The following PTPRG variants were observed in gnomAD, a reference collection of about 807,000 sequenced individuals.
PTPRG encodes the protein receptor-type tyrosine-protein phosphatase gamma.
A neutral mutation model predicts 165.3 loss-of-function variants in PTPRG; 102 were observed. The observed-to-expected ratio is 0.62, with a 90% CI of 0.53 to 0.73. The LOEUF (loss-of-function observed/expected upper bound fraction) is 0.73. PTPRG is among the 30% of genes least tolerant of loss of function. PTPRG has a pLI of 0.00. For missense variants in PTPRG, 1,866 were observed against 1,861.4 expected (o/e 1.00, Z -0.05); for synonymous variants, 675 against 669.5 (o/e 1.01, Z -0.13).
At chr3:62,111,373 G>A (rs755004320) in intron 5 of PTPRG, among the ~76,000 whole-genome samples, 4 of 152,220 alleles carry the variant, frequency 2.6e-5, no homozygotes, top group Admixed American at 6.5e-5. Context: ...GTCTAGCACA[G>A]CTTCCTCTTA....
intron 6 of PTPRG, among the ~76,000 whole-genome samples, 193 bp downstream of exon 6, chr3:62,132,861 AC>A (rs1703568511): frequency 6.6e-6 from 1 of 152,206 alleles, no homozygotes; most frequent in East Asian, 1.9e-4. Flanking sequence ...GTCTGTGTTA[AC>A]AGTAAGCAGT....
chr3:61,907,940 C>T (rs964787462), intron 2 of PTPRG, among the ~76,000 whole-genome samples: 25 of 128,018 alleles, frequency 2.0e-4, no homozygotes, highest in African/African-American at 7.4e-4. Context: ...AGCAACATAG[C>T]GAGACCCCCG....
chr3:61,597,036 G>T (rs537734356), intron 1 of PTPRG, among the ~76,000 whole-genome samples: 3 of 152,050 alleles, frequency 2.0e-5, no homozygotes, highest in Non-Finnish European at 4.4e-5. Flanking sequence ...GGGTCTTCTC[G>T]CTGTGTCATC....
At chr3:61,973,058 C>A (rs950362940) in intron 2 of PTPRG, among the ~76,000 whole-genome samples, 22 of 152,080 alleles carry the variant, frequency 1.4e-4, no homozygotes, top group African/African-American at 5.3e-4. Context: ...GCTGTCCTGC[C>A]GAGACACTTG....
At chr3:62,193,840 T>C (rs751466283) in intron 9 of PTPRG, among the ~76,000 whole-genome samples, 25 of 152,242 alleles carry the variant, frequency 1.6e-4, no homozygotes, top group Non-Finnish European at 3.2e-4. Context: ...GCTGCTTCTA[T>C]ACTTGGCCCA....
At chr3:61,623,805 G>T (rs948711690) in intron 1 of PTPRG, among the ~76,000 whole-genome samples, 1 of 152,126 alleles carries the variant, frequency 6.6e-6, no homozygotes, top group East Asian at 1.9e-4. Context: ...CCTGTGAAAG[G>T]CTTCACCTGT....
intron 12 of PTPRG, among the ~76,000 whole-genome samples, chr3:62,215,152 T>G (rs539033317): frequency 6.6e-6 from 1 of 152,330 alleles, no homozygotes; most frequent in East Asian, 1.9e-4. Context: ...GAGCCTTGCT[T>G]TCCCCACTCA....
rs186588039 is a variant in PTPRG at position 62,226,733 on chromosome 3, G to A, written c.2289-4492G>A. Among the ~76,000 whole-genome samples the A allele has an allele frequency of 3.9e-5, 6 of 152,286 alleles. No individual in the cohort carries two copies. In the East Asian group the frequency reaches 9.6e-4, roughly 24 times the overall value. On this transcript the variant is annotated intron_variant, in intron 13 of 29. Coordinates refer to ENST00000474889, the MANE Select transcript of PTPRG (RefSeq NM_002841.4). Reference sequence around the variant, plus strand: ...ACCCAGGTTTGTTAAAATTTGGTATGAGAAGGATTTCACACTCTGATCTGG... The same window carrying A: ...ACCCAGGTTTGTTAAAATTTGGTATAAGAAGGATTTCACACTCTGATCTGG...
chr3:61,897,911 C>G lies in PTPRG; in HGVS notation c.191-91714C>G, dbSNP rs183454103. On this transcript the variant is annotated intron_variant, in intron 2 of 29. Transcript: ENST00000474889. Reference sequence around the variant, plus strand: ...TTCAGGTTGATCTTTTATTCTGTAACCTTACTGAACTCACTAGTTTTAGGA... The same window carrying G: ...TTCAGGTTGATCTTTTATTCTGTAAGCTTACTGAACTCACTAGTTTTAGGA... Among the ~76,000 whole-genome samples the G allele has an allele frequency of 3.3e-3, 504 of 152,082 alleles. 1 individual carries two copies. The Middle Eastern group carries it at 0.034, about 10-fold the overall frequency.
chr3:61,714,914 ACT>A (rs1469559476), intron 1 of PTPRG, among the ~76,000 whole-genome samples: 1 of 152,178 alleles, frequency 6.6e-6, no homozygotes, highest in Non-Finnish European at 1.5e-5. Flanking sequence ...TAAATATATC[ACT>A]GTCTTTTTCT....
intron 2 of PTPRG, among the ~76,000 whole-genome samples, chr3:61,833,426 T>C (rs1484738683): frequency 6.6e-6 from 1 of 151,974 alleles, no homozygotes; most frequent in Non-Finnish European, 1.5e-5. Flanking sequence ...GCGCTTGGGG[T>C]GGTGTTTGTG....
chr3:62,027,496 C>A (rs1699601883), intron 4 of PTPRG, among the ~76,000 whole-genome samples: 1 of 152,168 alleles, frequency 6.6e-6, no homozygotes, highest in Admixed American at 6.5e-5. Context: ...CAGCCAGTGT[C>A]TTCAGTGTTT....
intron 5 of PTPRG, among the ~76,000 whole-genome samples, chr3:62,121,120 T>A (rs1703053870): frequency 6.6e-6 from 1 of 151,294 alleles, no homozygotes; most frequent in African/African-American, 2.4e-5. Flanking sequence ...ATTTTTTTTT[T>A]TTTTTTGTAT....
intron 1 of PTPRG, among the ~76,000 whole-genome samples, chr3:61,694,658 G>A (rs1342376562): frequency 6.6e-6 from 1 of 152,166 alleles, no homozygotes; most frequent in Non-Finnish European, 1.5e-5. Flanking sequence ...AAACATCCTA[G>A]ATATCCATAA....
intron 3 of PTPRG, among the ~76,000 whole-genome samples, chr3:62,001,018 C>CAGAAT (rs2041161676): frequency 1.3e-5 from 2 of 152,198 alleles, no homozygotes; most frequent in South Asian, 2.1e-4. Flanking sequence ...TGTTAAGTGG[C>CAGAAT]AGAATGGAAT....
intron 1 of PTPRG, among the ~76,000 whole-genome samples, chr3:61,715,441 A>G (rs1008925228): frequency 6.6e-6 from 1 of 150,648 alleles, no homozygotes; most frequent in African/African-American, 2.4e-5. Context: ...CTGGTCTTGA[A>G]CTCCTGGGCT....
intron 28 of PTPRG, among the ~76,000 whole-genome samples, chr3:62,288,415 C>T (rs1274848482): frequency 6.6e-6 from 1 of 152,152 alleles, no homozygotes; most frequent in Non-Finnish European, 1.5e-5. Context: ...TGACTCACAC[C>T]TATAATCCCA....
chr3:61,967,095 G>A (rs1286282532), intron 2 of PTPRG, among the ~76,000 whole-genome samples: 1 of 152,154 alleles, frequency 6.6e-6, no homozygotes, highest in Non-Finnish European at 1.5e-5. Flanking sequence ...GGAATGGTGG[G>A]CTCAAGGAAA....
chr3:61,837,081 A>G (rs1238723703), intron 2 of PTPRG, among the ~76,000 whole-genome samples: 1 of 152,100 alleles, frequency 6.6e-6, no homozygotes, highest in Non-Finnish European at 1.5e-5. Flanking sequence ...TGCCCGGCCA[A>G]TTTTTGTATT....
Sources: gnomAD v4.1 joint callset for allele counts (sites outside exome capture counted in the v4.1 genomes callset) on GRCh38, gnomAD v4.1.1 for gene constraint, MANE v1.5 for transcripts, NCBI Gene and HGNC (gene_info 2026-07-23, HGNC 2026-07-21) for gene names.